Variants in MYO1H observed in about 807,000 individuals in gnomAD.
The protein encoded by MYO1H is unconventional myosin-Ih.
MYO1H carries 118 observed loss-of-function variants against 149.3 expected under a neutral mutation model. The ratio of observed to expected loss-of-function variants is 0.79; its 90% confidence interval spans 0.68 to 0.92. The LOEUF (loss-of-function observed/expected upper bound fraction) is 0.92. Ranked by LOEUF, MYO1H falls within the 40% of genes least tolerant of loss-of-function variation. MYO1H has a pLI of 0.00. For missense variants in MYO1H, 1,212 were observed against 1,280.7 expected, an observed-to-expected ratio of 0.95 and a Z score of 0.82; for synonymous variants, 447 against 465.2, an observed-to-expected ratio of 0.96 and a Z score of 0.50.
Position 109,393,570 on chromosome 12 carries a change from TCCATCCGCCCAC to T in MYO1H, c.290+131_290+142del, listed in dbSNP as rs149892271. 2,913 of 668,132 alleles carry T rather than the reference TCCATCCGCCCAC, an allele frequency of 4.4e-3. 13 individuals carry two copies. The highest frequency in any genetic ancestry group is 6.7e-3 in the Admixed American group (305 of 45,762). 41.4% of individuals were successfully genotyped at this position (668,132 alleles called of 1,614,324 possible). ...ATCCATCCATCCATCCATCCATCCA[TCCATCCGCCCAC>T]CCATCCATTCATCCACCTATCCATC... is the stretch of plus-strand genomic sequence containing the variant. On this transcript the variant is annotated intron_variant, in intron 3 of 31. Coordinates refer to ENST00000310903, the Ensembl canonical transcript of MYO1H.
chr12:109,407,359 T>C (rs960903883), intron 9 of MYO1H, among the ~76,000 whole-genome samples: 2 of 152,060 alleles, frequency 1.3e-5, no homozygotes, highest in African/African-American at 2.4e-5. Context: ...TACAGCTGTA[T>C]CTCGGCAGCC....
At chr12:109,447,611 G>A (rs1872540066) in exon 32 of MYO1H, 1 of 205,188 alleles carries the variant, frequency 4.9e-6, no homozygotes, top group Non-Finnish European at 1.0e-5. Context: ...CAGGGCCACT[G>A]TCTGGGTGGA....
chr12:109,432,072 G>C (rs193133821), intron 19 of MYO1H, among the ~76,000 whole-genome samples: 332 of 144,164 alleles, frequency 2.3e-3, no homozygotes, highest in Non-Finnish European at 4.1e-3. Flanking sequence ...CGCAATCTCG[G>C]CTCACTGCAA....
At position 109,347,989 on chromosome 12, in the gene MYO1H, A is replaced by C; in HGVS notation, c.12+17A>C. The C allele has an allele frequency of 2.5e-6, 1 of 399,086 alleles. No individual in the cohort carries two copies. Among genetic ancestry groups the C allele is most frequent in the Non-Finnish European group, 4.4e-6 (1 of 226,070 alleles). The allele number at this position is 399,086 out of a possible 1,614,324, so 24.7% of individuals were successfully genotyped here. A position where few individuals can be genotyped will look rare whatever the true frequency, so the allele number is the denominator to read the frequency against. ...GAATCCAAGGTAATGTGACTTGAAC[A>C]CTAGAAGGTGGTTACACCTGGTGAC... On this transcript the variant is annotated intron_variant, in intron 1 of 31. Coordinates refer to ENST00000310903, the Ensembl canonical transcript of MYO1H.
intron 1 of MYO1H, among the ~76,000 whole-genome samples, chr12:109,378,231 A>G (rs945743730): frequency 2.6e-5 from 4 of 152,180 alleles, no homozygotes. Flanking sequence ...GCTGGGTCAT[A>G]TGGTAGCTCT....
At chr12:109,357,598 A>G (rs1868637353) in intron 1 of MYO1H, among the ~76,000 whole-genome samples, 1 of 152,228 alleles carries the variant, frequency 6.6e-6, no homozygotes, top group Non-Finnish European at 1.5e-5. Context: ...ATGGATACTG[A>G]AATTTGAATT....
At chr12:109,396,911 T>G (rs1869942976) in intron 4 of MYO1H, among the ~76,000 whole-genome samples, 1 of 124,532 alleles carries the variant, frequency 8.0e-6, no homozygotes, top group Non-Finnish European at 1.6e-5. Flanking sequence ...CACAGAAACC[T>G]CCGCCTCCTG....
At chr12:109,392,599 G>A (rs184106037) in intron 2 of MYO1H, among the ~76,000 whole-genome samples, 30 of 151,936 alleles carry the variant, frequency 2.0e-4, no homozygotes, top group African/African-American at 7.0e-4. Flanking sequence ...GCGCATGCCT[G>A]TAATCCCAGC....
At chr12:109,406,596 G>C (rs1207282293) in intron 8 of MYO1H, among the ~76,000 whole-genome samples, 193 bp from the exon 9 acceptor site, 1 of 151,914 alleles carries the variant, frequency 6.6e-6, no homozygotes, top group Non-Finnish European at 1.5e-5. Context: ...GTTGCAGTGA[G>C]CTGAGATTGT....
intron 2 of MYO1H, among the ~76,000 whole-genome samples, chr12:109,391,680 A>C (rs1869659813): frequency 6.6e-6 from 1 of 152,154 alleles, no homozygotes; most frequent in Non-Finnish European, 1.5e-5. Flanking sequence ...ACTCCCACCA[A>C]CAGTGTAAAA....
the MYO1H span, among the ~76,000 whole-genome samples, chr12:109,332,558 C>T: frequency 1.3e-5 from 2 of 152,174 alleles, no homozygotes; most frequent in Non-Finnish European, 2.9e-5. Flanking sequence ...TGCATTGTGC[C>T]CTGGTGCAGC....
chr12:109,353,772 C>T (rs1431954780), intron 1 of MYO1H, among the ~76,000 whole-genome samples: 1 of 152,096 alleles, frequency 6.6e-6, no homozygotes, highest in Non-Finnish European at 1.5e-5. Context: ...CTGCCTCAGC[C>T]TCCTAAGTAG....
chr12:109,437,153 C>A (rs1871895033), intron 22 of MYO1H, among the ~76,000 whole-genome samples: 1 of 151,998 alleles, frequency 6.6e-6, no homozygotes, highest in South Asian at 2.1e-4. Flanking sequence ...CATACAAGTA[C>A]CCTTGAAGCC....
At chr12:109,313,177 G>A in the MYO1H span, among the ~76,000 whole-genome samples, 1 of 152,242 alleles carries the variant, frequency 6.6e-6, no homozygotes, top group South Asian at 2.1e-4. Flanking sequence ...GCCCCTGGAG[G>A]TTGAGGCTGC....
At chr12:109,386,299 T>C (rs995723740) in intron 1 of MYO1H, among the ~76,000 whole-genome samples, 1 of 152,214 alleles carries the variant, frequency 6.6e-6, no homozygotes, top group Non-Finnish European at 1.5e-5. Flanking sequence ...CTGAATAAAG[T>C]TGAGCATGAG....
chr12:109,447,967 C>A (rs1872557336), exon 32 of MYO1H: 1 of 152,256 alleles, frequency 6.6e-6, no homozygotes, highest in Non-Finnish European at 1.5e-5. Flanking sequence ...GCCTGCCACG[C>A]TTGTGACTGG....
the MYO1H span, among the ~76,000 whole-genome samples, chr12:109,320,386 G>A: frequency 3.5e-5 from 5 of 141,320 alleles, no homozygotes; most frequent in Admixed American, 7.8e-5. Flanking sequence ...AAGGTGGGGG[G>A]ATCACTTGAG....
chr12:109,420,767 G>A (rs918086463), intron 15 of MYO1H, among the ~76,000 whole-genome samples: 2 of 152,072 alleles, frequency 1.3e-5, no homozygotes, highest in African/African-American at 4.8e-5. Context: ...TGTGAATAGA[G>A]GCCAGAGATG....
At chr12:109,348,297 G>A (rs2136991262) in intron 1 of MYO1H, among the ~76,000 whole-genome samples, 2 of 152,274 alleles carry the variant, frequency 1.3e-5, no homozygotes, top group Non-Finnish European at 2.9e-5. Context: ...AAGAGCTCTT[G>A]GCTATGTGTG....
Sources: allele counts gnomAD v4.1 joint callset (sites outside exome capture counted in the v4.1 genomes callset), GRCh38; gene constraint gnomAD v4.1.1; transcripts MANE v1.5; gene names NCBI Gene and HGNC (gene_info 2026-07-23, HGNC 2026-07-21).